The following ADAMTSL1 variants were observed in gnomAD, a reference collection of about 807,000 sequenced individuals.
ADAMTSL1 encodes the protein ADAMTS-like protein 1.
Under a neutral mutation model 201.8 loss-of-function variants are expected in ADAMTSL1, and 126 were observed. The observed-to-expected ratio is 0.62, with a 90% CI of 0.54 to 0.72. The LOEUF is 0.72. ADAMTSL1 is among the 30% of genes least tolerant of loss of function. The pLI is 0.00. For synonymous variants in ADAMTSL1, 1,121 were observed against 903.4 expected (o/e 1.24, Z -4.32); for missense variants, 2,679 against 2,277.8 (o/e 1.18, Z -3.59).
chr9:18,502,407 A>C (rs539888239), intron 1 of ADAMTSL1, among the ~76,000 whole-genome samples: 1 of 152,254 alleles, frequency 6.6e-6, no homozygotes, highest in Non-Finnish European at 1.5e-5. Context: ...CCTATCTTCT[A>C]TTCACATGCG....
intron 14 of ADAMTSL1, among the ~76,000 whole-genome samples, chr9:18,713,978 A>G (rs868643199): frequency 4.0e-5 from 6 of 150,078 alleles, no homozygotes; most frequent in Middle Eastern, 3.5e-3. Flanking sequence ...TGGAAACTGA[A>G]CAACCTGCTC....
intron 2 of ADAMTSL1, among the ~76,000 whole-genome samples, chr9:18,423,326 G>A (rs544954370): frequency 1.3e-5 from 2 of 152,110 alleles, no homozygotes; most frequent in Non-Finnish European, 2.9e-5. Flanking sequence ...TATGACATAA[G>A]TCACCTAATA....
chr9:18,357,140 T>C (rs1385578242), intron 2 of ADAMTSL1, among the ~76,000 whole-genome samples: 1 of 152,118 alleles, frequency 6.6e-6, no homozygotes, highest in Non-Finnish European at 1.5e-5. Flanking sequence ...GCCTGAAATG[T>C]GTAAGTTAAT....
At chr9:18,132,944 T>C (rs1311853952) in intron 1 of ADAMTSL1, among the ~76,000 whole-genome samples, 1 of 152,130 alleles carries the variant, frequency 6.6e-6, no homozygotes, top group African/African-American at 2.4e-5. Context: ...GTTCAGACTG[T>C]CTCCCTGGAA....
intron 2 of ADAMTSL1, among the ~76,000 whole-genome samples, chr9:18,441,527 A>T (rs1267062171): frequency 6.6e-6 from 1 of 152,190 alleles, no homozygotes; most frequent in African/African-American, 2.4e-5. Flanking sequence ...GGGGATAGAA[A>T]GGAAGATCTG....
intron 15 of ADAMTSL1, among the ~76,000 whole-genome samples, chr9:18,734,070 A>G (rs866593245): frequency 2.0e-5 from 3 of 152,154 alleles, no homozygotes; most frequent in Admixed American, 6.5e-5. Context: ...TTCATATAGT[A>G]TGCTGCCTCT....
At chr9:18,101,396 T>A (rs1564001039) in intron 1 of ADAMTSL1, among the ~76,000 whole-genome samples, 1 of 151,016 alleles carries the variant, frequency 6.6e-6, no homozygotes, top group Non-Finnish European at 1.5e-5. Context: ...TACTCAGGTG[T>A]CTGAGGCAGG....
intron 5 of ADAMTSL1, among the ~76,000 whole-genome samples, chr9:18,630,980 T>C: frequency 6.6e-6 from 1 of 152,192 alleles, no homozygotes; most frequent in Non-Finnish European, 1.5e-5. Context: ...ACTCATTTTG[T>C]GAGTTTGATA....
At chr9:18,820,430 A>G (rs560406602) in intron 21 of ADAMTSL1, among the ~76,000 whole-genome samples, 210 of 152,336 alleles carry the variant, frequency 1.4e-3, no homozygotes, top group African/African-American at 4.9e-3. Flanking sequence ...TTAAGAGTCC[A>G]AAAAGGAAAG....
chr9:18,566,928 A>T (rs1310290924), intron 3 of ADAMTSL1, among the ~76,000 whole-genome samples: 1 of 152,158 alleles, frequency 6.6e-6, no homozygotes, highest in Admixed American at 6.5e-5. Flanking sequence ...GTATAGAAAA[A>T]TAGTTCTGAT....
At chr9:18,390,207 C>T (rs80343151) in intron 2 of ADAMTSL1, among the ~76,000 whole-genome samples, 7,181 of 152,064 alleles carry the variant, frequency 0.047, 186 homozygotes, top group Middle Eastern at 0.078. Flanking sequence ...TTACGAGATT[C>T]GTAGTGTCCA....
intron 16 of ADAMTSL1, among the ~76,000 whole-genome samples, chr9:18,762,204 A>C (rs7036423): frequency 0.021 from 3,143 of 152,216 alleles, 114 homozygotes; most frequent in African/African-American, 0.071. Flanking sequence ...GCATGCAGGG[A>C]GGGAGAGGAA....
At chr9:18,503,853 G>A (rs913891202) in intron 1 of ADAMTSL1, among the ~76,000 whole-genome samples, 12 of 151,910 alleles carry the variant, frequency 7.9e-5, no homozygotes, top group African/African-American at 2.7e-4. Flanking sequence ...TTTAATAACC[G>A]CACCCCATAG....
chr9:18,060,579 T>G (rs563808976), intron 1 of ADAMTSL1, among the ~76,000 whole-genome samples: 1 of 152,284 alleles, frequency 6.6e-6, no homozygotes, highest in Admixed American at 6.5e-5. Context: ...TGTCTATCAT[T>G]TATTTCTTAT....
chr9:18,189,042 G>A (rs1369717879), intron 2 of ADAMTSL1, among the ~76,000 whole-genome samples: 1 of 152,148 alleles, frequency 6.6e-6, no homozygotes, highest in East Asian at 1.9e-4. Flanking sequence ...GCAATGCTTG[G>A]ATGAGAATGG....
intron 1 of ADAMTSL1, among the ~76,000 whole-genome samples, chr9:17,972,662 C>T (rs1212149745): frequency 6.6e-6 from 1 of 151,556 alleles, no homozygotes; most frequent in African/African-American, 2.4e-5. Context: ...GATTTATAGT[C>T]CTTTGGGTAT....
chr9:18,426,815 G>A (rs1286295529), intron 2 of ADAMTSL1, among the ~76,000 whole-genome samples: 1 of 152,094 alleles, frequency 6.6e-6, no homozygotes, highest in African/African-American at 2.4e-5. Flanking sequence ...AAATTTTTAT[G>A]CTCGTAATCT....
At chr9:18,275,503 G>T (rs1431745798) in intron 2 of ADAMTSL1, among the ~76,000 whole-genome samples, 1 of 152,090 alleles carries the variant, frequency 6.6e-6, no homozygotes, top group Non-Finnish European at 1.5e-5. Flanking sequence ...CTACTTACCA[G>T]TCATTGCCCA....
intron 2 of ADAMTSL1, among the ~76,000 whole-genome samples, chr9:18,245,142 C>T (rs1831211201): frequency 1.3e-5 from 2 of 151,984 alleles, no homozygotes; most frequent in Admixed American, 6.6e-5. Flanking sequence ...ATCAGGGATG[C>T]AAACAAAGAT....
Sources: allele counts gnomAD v4.1 joint callset (sites outside exome capture counted in the v4.1 genomes callset), GRCh38; gene constraint gnomAD v4.1.1; transcripts MANE v1.5; gene names NCBI Gene and HGNC (gene_info 2026-07-23, HGNC 2026-07-21).